STK17B: variants seen among roughly 807,000 people sequenced by gnomAD.
STK17B encodes the protein serine/threonine-protein kinase 17B.
STK17B carries 21 observed loss-of-function variants against 42.0 expected under a neutral mutation model. The observed-to-expected ratio is 0.50, with a 90% confidence interval of 0.35 to 0.72. The LOEUF (loss-of-function observed/expected upper bound fraction) is 0.72, where lower values mean the gene tolerates loss of function less well. STK17B is among the 30% of genes least tolerant of loss of function. The pLI is 0.00. For synonymous variants in STK17B, 143 were observed against 148.4 expected (o/e 0.96, Z 0.26); for missense variants, 349 against 446.0 (o/e 0.78, Z 1.96).
At chr2:196,148,026 CCGAGA>C (rs751344226) in intron 3 of STK17B, among the ~76,000 whole-genome samples, 9 of 152,012 alleles carry the variant, frequency 5.9e-5, no homozygotes, top group Non-Finnish European at 8.8e-5. Context: ...TCGTGCCTGG[CCGAGA>C]CATTAATTTT....
intron 3 of STK17B, among the ~76,000 whole-genome samples, chr2:196,147,307 T>C (rs1699590316): frequency 6.6e-6 from 1 of 151,780 alleles, no homozygotes; most frequent in African/African-American, 2.4e-5. Context: ...GAACAGTATC[T>C]AGCATGCACT....
chr2:196,170,744 A>T (rs569230843), intron 1 of STK17B: 3 of 152,414 alleles, frequency 2.0e-5, no homozygotes, highest in South Asian at 2.1e-4. Flanking sequence ...AAAATCACGG[A>T]AACAGCTGTA....
intron 1 of STK17B, among the ~76,000 whole-genome samples, chr2:196,168,845 T>C (rs1334470429): frequency 6.6e-6 from 1 of 152,164 alleles, no homozygotes; most frequent in African/African-American, 2.4e-5. Flanking sequence ...CAGCCCAGCA[T>C]AGAATACAAA....
rs1699395497 is a variant in STK17B at position 196,135,885 on chromosome 2, AGATATATACATACACCTG to A, written c.*1544_*1561del. On this transcript the variant is annotated 3_prime_UTR_variant, in exon 8 of 8. Coordinates refer to ENST00000263955, the MANE Select transcript of STK17B (RefSeq NM_004226.4). ...TAAAGAATGTATTGTATCTATCTATAGATATATACATACACCTGTACATACACACATGTGCACACATAC... is the reference window on the plus strand; with the variant it reads ...TAAAGAATGTATTGTATCTATCTATATACATACACACATGTGCACACATAC... 2.2e-5 allele frequency: 1 copy of A among 45,740 alleles called. No homozygotes were observed. The highest frequency in any genetic ancestry group is 9.5e-5 in the Non-Finnish European group (1 of 10,582). The allele number at this position is 45,740 out of a possible 1,614,324, so 2.8% of individuals were successfully genotyped here.
At chr2:196,154,340 G>A (rs990401943) in intron 3 of STK17B, 1 of 152,190 alleles carries the variant, frequency 6.6e-6, no homozygotes, top group Non-Finnish European at 1.5e-5. Flanking sequence ...ACAATGAGGA[G>A]AGCTAGAAGA....
upstream of STK17B, among the ~76,000 whole-genome samples, chr2:196,175,559 G>C (rs983775145): frequency 6.6e-6 from 1 of 152,232 alleles, no homozygotes; most frequent in Admixed American, 6.5e-5. Context: ...GCAGGAGGCA[G>C]AGGTTGCAGT....
intron 4 of STK17B, 106 bp downstream of exon 4, chr2:196,145,805 A>T: frequency 8.4e-7 from 1 of 1,185,800 alleles, no homozygotes; most frequent in Non-Finnish European, 1.2e-6. Context: ...AGTCTAGAAG[A>T]CCAGGAACCA....
chr2:196,133,947 C>T lies in STK17B; in HGVS notation c.*3500G>A, dbSNP rs993323385. ...CTGAAGTGAAATACTTTTAATACTA[C>T]TTGAAATTAAAGTACAGTTGTTTAT... On this transcript the variant is annotated 3_prime_UTR_variant, in exon 8 of 8. Coordinates refer to ENST00000263955, the MANE Select transcript of STK17B (RefSeq NM_004226.4). 6.6e-6 allele frequency: 1 copy of T among 152,076 alleles called. No individual in the cohort carries two copies. Among genetic ancestry groups the T allele is most frequent in the African/African-American group, 2.4e-5 (1 of 41,404 alleles). 9.4% of individuals were successfully genotyped at this position (152,076 alleles called of 1,614,324 possible). A position where few individuals can be genotyped will look rare whatever the true frequency, so the allele number is the denominator to read the frequency against.
intron 2 of STK17B, among the ~76,000 whole-genome samples, chr2:196,158,744 GCTCATGCC>G (rs1699772563): frequency 3.6e-5 from 1 of 27,866 alleles, no homozygotes; most frequent in Admixed American, 5.2e-4. Context: ...AGACGTGGTG[GCTCATGCC>G]TGTAATACCA....
rs375233658 is a variant in STK17B, at chr2:196,140,721, C to T, written c.656+528G>A. On this transcript the variant is annotated intron_variant, in intron 6 of 7. Transcript: ENST00000263955. ...CTGGGATTACAGGTACGCGCCACCA[C>T]GTCCAGCTAATTTTCATATTTTTAG... is the stretch of plus-strand genomic sequence containing the variant. Among the ~76,000 whole-genome samples the T allele has an allele frequency of 1.1e-4, 16 of 151,960 alleles. 1 individual carries two copies. In the East Asian group the frequency reaches 1.4e-3, roughly 13 times the overall value.
chr2:196,164,038 C>CAATAAATGAATA (rs1699846134), intron 1 of STK17B, among the ~76,000 whole-genome samples: 1 of 146,092 alleles, frequency 6.8e-6, no homozygotes, highest in Admixed American at 6.8e-5. Flanking sequence ...GATCTTATCT[C>CAATAAATGAATA]AATAAATAAA....
rs567859155 is a variant in STK17B, at chr2:196,139,760, T to C, written c.696A>G (p.Thr232=). The change falls in exon 7 of 8, where the codon ACA becomes ACG. Residue 232 remains threonine (T), a synonymous_variant. Transcript: ENST00000263955. ...GIIAYMLLTH[T]SPFVGEDNQE... ...GATTATCTTCTCCCACAAATGGTGA[T>C]GTGTGAGTTAACAACATATATGCTA... 18 of 1,440,500 alleles carry C rather than the reference T, an allele frequency of 1.2e-5. No individual in the cohort carries two copies. Among genetic ancestry groups the C allele is most frequent in the Non-Finnish European group, 1.5e-5 (16 of 1,092,386 alleles). The allele number at this position is 1,440,500 out of a possible 1,614,324, so 89.2% of individuals were successfully genotyped here.
intron 2 of STK17B, among the ~76,000 whole-genome samples, chr2:196,160,328 A>G (rs1020865723): frequency 2.0e-5 from 3 of 152,180 alleles, no homozygotes; most frequent in African/African-American, 7.2e-5. Flanking sequence ...AAGAAGTCCT[A>G]TGAAACCTTT....
chr2:196,158,450 A>T (rs2105704644), intron 2 of STK17B, among the ~76,000 whole-genome samples: 1 of 152,344 alleles, frequency 6.6e-6, no homozygotes, highest in South Asian at 2.1e-4. Flanking sequence ...TTAAGATTTG[A>T]GAATGCTTAA....
intron 5 of STK17B, among the ~76,000 whole-genome samples, chr2:196,141,603 G>A (rs930727351): frequency 1.3e-5 from 2 of 152,186 alleles, no homozygotes; most frequent in Non-Finnish European, 2.9e-5. Flanking sequence ...AGGTTGCAGT[G>A]AGCTGAGATC....
chr2:196,142,162 G>A (rs1402963184), intron 5 of STK17B, among the ~76,000 whole-genome samples: 3 of 152,088 alleles, frequency 2.0e-5, no homozygotes, highest in African/African-American at 4.8e-5. Flanking sequence ...GGATTCAAGC[G>A]ATTCTCCTGC....
At chr2:196,171,953 G>C (rs1036953222), upstream of STK17B, among the ~76,000 whole-genome samples, 1 of 152,204 alleles carries the variant, frequency 6.6e-6, no homozygotes, top group African/African-American at 2.4e-5. Context: ...GGAGAAGGAA[G>C]CCGCAAAATT....
chr2:196,158,727 T>C (rs1183354106), intron 2 of STK17B, among the ~76,000 whole-genome samples: 1 of 109,814 alleles, frequency 9.1e-6, no homozygotes, highest in African/African-American at 2.9e-5. Context: ...AATAGTTTTG[T>C]TGGGCCAGAC....
At position 196,145,959 on chromosome 2, in the gene STK17B, T is replaced by A; in HGVS notation, c.432A>T (p.Glu144Asp). 1 of 1,605,874 alleles carries A rather than the reference T, an allele frequency of 6.2e-7. No individual in the cohort carries two copies. The highest frequency in any genetic ancestry group is 8.5e-7 in the Non-Finnish European group (1 of 1,177,948). ...DVIRLIKQIL[E>D]GVYYLHQNNI... ...TATTCTGATGTAGATAATAAACTCCTTCAAGTATTTGTTTAATGAGTCTGA... is the reference window on the plus strand; with the variant it reads ...TATTCTGATGTAGATAATAAACTCCATCAAGTATTTGTTTAATGAGTCTGA... The change falls in exon 4 of 8, where the codon GAA (glutamate) becomes GAT (aspartate). Residue 144 changes from glutamate to aspartate, a missense_variant. This residue lies in a region of STK17B where 256 missense variants were observed against 347.7 expected (regional missense o/e 0.74). Coordinates refer to ENST00000263955, the MANE Select transcript of STK17B (RefSeq NM_004226.4).
Sources: allele counts gnomAD v4.1 joint callset (sites outside exome capture counted in the v4.1 genomes callset), GRCh38; gene constraint gnomAD v4.1.1; regional missense constraint gnomAD v4.1.1; transcripts MANE v1.5; gene names NCBI Gene and HGNC (gene_info 2026-07-23, HGNC 2026-07-21).